The following PRMT7 variants were observed in gnomAD, a reference collection of about 807,000 sequenced individuals.
The protein encoded by PRMT7 is protein arginine methyltransferase 7.
Under a neutral mutation model 85.4 loss-of-function variants are expected in PRMT7, and 75 were observed. That is an observed-to-expected ratio of 0.88 (90% CI 0.73 to 1.06). The LOEUF (loss-of-function observed/expected upper bound fraction) is 1.06, where lower values mean the gene tolerates loss of function less well. PRMT7 is among the 50% of genes least tolerant of loss of function. The pLI is 0.00. For missense variants in PRMT7, 868 were observed against 915.2 expected (o/e 0.95, Z 0.67); for synonymous variants, 397 against 359.5 (o/e 1.10, Z -1.18).
In PRMT7 at chr16:68,339,890, C is replaced by G. The variant is rs375402849; in HGVS notation, c.849C>G (p.Asp283Glu). 136 of 1,614,054 alleles carry G rather than the reference C, an allele frequency of 8.4e-5. No individual in the cohort carries two copies. Among genetic ancestry groups the G allele is most frequent in the Non-Finnish European group, 1.1e-4 (132 of 1,180,044 alleles). Residue 283 changes from aspartate to glutamate, a missense_variant, in exon 9 of 19, where the codon GAC becomes GAG. Coordinates refer to ENST00000441236, the MANE Select transcript of PRMT7 (RefSeq NM_019023.5). ...GRAQVVLSWW[D>E]IEMDPEGKIK... ...CTCAGGTGGTTCTCTCGTGGTGGGA[C>G]ATTGAAATGGACCCTGAGGGGAAGA...
At chr16:68,352,463 C>G (rs2087556616) in intron 15 of PRMT7, 54 bp downstream of exon 15, 2 of 1,535,756 alleles carry the variant, frequency 1.3e-6, no homozygotes, top group Non-Finnish European at 1.8e-6. Flanking sequence ...GGTGGGGAAC[C>G]TTGTTTTCTT....
At chr16:68,354,092 A>G (rs2087883431) in intron 16 of PRMT7, among the ~76,000 whole-genome samples, 2 of 152,172 alleles carry the variant, frequency 1.3e-5, no homozygotes, top group South Asian at 2.1e-4. Context: ...CGTGCTGTGT[A>G]TTAAGGAAAT....
At chr16:68,324,617 C>T (rs2151482025) in intron 4 of PRMT7, 66 bp from the exon 5 acceptor site, 1 of 1,587,062 alleles carries the variant, frequency 6.3e-7, no homozygotes, top group Non-Finnish European at 8.6e-7. Flanking sequence ...GACTCTAGAA[C>T]TTTGCAAAGC....
rs920068121 is a variant in PRMT7, at chr16:68,356,012, C to G, written c.1811+129C>G. 3 of 1,065,778 alleles carry G rather than the reference C, an allele frequency of 2.8e-6. No homozygotes were observed. The Admixed American group carries it at 1.0e-4, about 37-fold the overall frequency. 66.0% of individuals were successfully genotyped at this position (1,065,778 alleles called of 1,614,324 possible). A position where few individuals can be genotyped will look rare whatever the true frequency, so the allele number is the denominator to read the frequency against. On this transcript the variant is annotated intron_variant, in intron 17 of 18. Transcript: ENST00000441236. ...AGGGGGTATTCGTCCTCCCCACAAC[C>G]TTGCCCTTCCCTGTCAGAGTGGCCC...
chr16:68,341,316 A>G lies in PRMT7; in HGVS notation c.927+1348A>G, dbSNP rs1001298198. Among the ~76,000 whole-genome samples the G allele has an allele frequency of 3.3e-5, 5 of 152,240 alleles. 1 individual carries two copies. The highest frequency in any genetic ancestry group is 4.8e-5 in the African/African-American group (2 of 41,458). The stretch of plus-strand genomic sequence containing the variant: ...AATTCGCTGACACCATGGCATTGCA[A>G]TAAAGACTTTAATTGACACGAAGCC... On this transcript the variant is annotated intron_variant, in intron 9 of 18. Coordinates refer to ENST00000441236, the MANE Select transcript of PRMT7 (RefSeq NM_019023.5).
chr16:68,324,384 G>T, intron 4 of PRMT7: 1 of 392,624 alleles, frequency 2.5e-6, no homozygotes. Context: ...TCGCCCTCTT[G>T]GTCCCCCTTT....
intron 16 of PRMT7, chr16:68,355,098 G>A (rs911638442): frequency 6.5e-6 from 1 of 152,752 alleles, no homozygotes; most frequent in Admixed American, 6.5e-5. Flanking sequence ...TGAACTTGTA[G>A]ATCTGAGTCT....
chr16:68,323,365 T>G (rs558038341), intron 4 of PRMT7, among the ~76,000 whole-genome samples: 49 of 152,062 alleles, frequency 3.2e-4, no homozygotes, highest in Middle Eastern at 6.8e-3. Flanking sequence ...GTTACAGGCA[T>G]GCGCCACCAT....
chr16:68,339,321 G>A lies in PRMT7; in HGVS notation c.505-1G>A. 6.2e-7 allele frequency: 1 copy of A among 1,613,498 alleles called. No individual in the cohort carries two copies. The highest frequency in any genetic ancestry group is 8.5e-7 in the Non-Finnish European group (1 of 1,179,486). On this transcript the variant is annotated splice_acceptor_variant, in intron 7 of 18. Transcript: ENST00000441236. LOFTEE classifies it high-confidence loss of function. Reference sequence around the variant, plus strand: ...TGGTTTTGTTTTTAATATAAACTTAGGAAAATTGTGAGGCCGTGCCCCACA... The same window carrying A: ...TGGTTTTGTTTTTAATATAAACTTAAGAAAATTGTGAGGCCGTGCCCCACA...
At chr16:68,345,828 G>A (rs758904525) in intron 10 of PRMT7, 26 bp downstream of exon 10, 12 of 1,613,162 alleles carry the variant, frequency 7.4e-6, no homozygotes, top group Non-Finnish European at 8.5e-6. Context: ...TGGGGGTGGA[G>A]GATGAGCCTC....
At chr16:68,359,315 C>T (rs955788869), downstream of PRMT7, 2 of 152,464 alleles carry the variant, frequency 1.3e-5, no homozygotes, top group African/African-American at 4.8e-5. Flanking sequence ...CAGGCCAGCC[C>T]CTTGGAGGGG....
intron 1 of PRMT7, 176 bp downstream of exon 1, chr16:68,311,275 G>T: frequency 2.5e-6 from 1 of 402,454 alleles, no homozygotes; most frequent in East Asian, 6.1e-5. Flanking sequence ...TTCTAGGCTG[G>T]CCCCGGCTCT....
intron 9 of PRMT7, among the ~76,000 whole-genome samples, chr16:68,343,319 C>CG (rs538619145): frequency 2.5e-3 from 375 of 152,318 alleles, no homozygotes; most frequent in African/African-American, 8.7e-3. Context: ...ATAGCCAACC[C>CG]GGGACTCAGC....
chr16:68,355,542 A>C, intron 16 of PRMT7, 181 bp from the exon 17 acceptor site: 1 of 526,592 alleles, frequency 1.9e-6, no homozygotes, highest in Non-Finnish European at 3.1e-6. Context: ...GTGCCTGGGG[A>C]GCCACTGATG....
chr16:68,344,070 C>T (rs1422550852), intron 9 of PRMT7, among the ~76,000 whole-genome samples: 2 of 152,204 alleles, frequency 1.3e-5, no homozygotes, highest in South Asian at 2.1e-4. Context: ...TGGGCACAAG[C>T]GATCCTCCCA....
In PRMT7 at chr16:68,357,072, C is replaced by A; in HGVS notation, c.1927C>A (p.Pro643Thr). Residue 643 changes from proline to threonine, a missense_variant, in exon 19 of 19, where the codon CCC (proline) becomes ACC (threonine). Physicochemically the swap from Pro to Thr is conservative, Grantham distance 38. Coordinates refer to ENST00000441236, the MANE Select transcript of PRMT7 (RefSeq NM_019023.5). Reference sequence around the variant, plus strand: ...CCTACAGGGGGGCTGCTGCTGGAACCCCCACTGCAAGCAGGCCGTCTACTT... The same window carrying A: ...CCTACAGGGGGGCTGCTGCTGGAACACCCACTGCAAGCAGGCCGTCTACTT... ...ADPEGGCCWN[P>T]HCKQAVYFFS... The A allele has an allele frequency of 6.2e-7, 1 of 1,610,098 alleles. No individual in the cohort carries two copies.
At chr16:68,347,872 T>C (rs141315770) in intron 13 of PRMT7, among the ~76,000 whole-genome samples, 194 bp downstream of exon 13, 72 of 152,300 alleles carry the variant, frequency 4.7e-4, no homozygotes, top group African/African-American at 1.6e-3. Context: ...GCATTTGCAC[T>C]CTGCTTTGTT....
rs567868195 is a variant in PRMT7, at chr16:68,357,073, C to T, written c.1928C>T (p.Pro643Leu). The T allele has an allele frequency of 2.5e-6, 4 of 1,610,468 alleles. No individual in the cohort carries two copies. Among genetic ancestry groups the T allele is most frequent in the Admixed American group, 3.4e-5 (2 of 59,536 alleles). ...CTACAGGGGGGCTGCTGCTGGAACC[C>T]CCACTGCAAGCAGGCCGTCTACTTC... ...ADPEGGCCWN[P>L]HCKQAVYFFS... The change falls in exon 19 of 19, where the codon CCC becomes CTC. Residue 643 changes from proline to leucine, a missense_variant. Physicochemically the swap from Pro to Leu is moderately conservative, Grantham distance 98 (BLOSUM62 -3). Transcript: ENST00000441236.
At chr16:68,324,933 GCTCA>G (rs1239707777) in intron 5 of PRMT7, 101 bp downstream of exon 5, 9 of 1,477,450 alleles carry the variant, frequency 6.1e-6, no homozygotes, top group Non-Finnish European at 8.3e-6. Context: ...TTCATGGAGT[GCTCA>G]CTCTGTGCCA....
Sources: gnomAD v4.1 joint callset for allele counts (sites outside exome capture counted in the v4.1 genomes callset) on GRCh38, gnomAD v4.1.1 for gene constraint, MANE v1.5 for transcripts, NCBI Gene and HGNC (gene_info 2026-07-23, HGNC 2026-07-21) for gene names.